Variants in LAMC3 observed in about 807,000 individuals in gnomAD.
LAMC3 encodes the protein laminin subunit gamma 3.
A neutral mutation model predicts 173.8 loss-of-function variants in LAMC3; 128 were observed. The observed-to-expected ratio is 0.74, with a 90% CI of 0.64 to 0.85. The LOEUF is 0.85. LAMC3 is among the 40% of genes least tolerant of loss of function. The probability of loss-of-function intolerance (pLI) is 0.00; values close to 1 mark genes in which losing one functional copy is unlikely to be tolerated. For synonymous variants in LAMC3, 897 were observed against 909.1 expected (o/e 0.99, Z 0.24); for missense variants, 2,022 against 2,156.0 (o/e 0.94, Z 1.23).
Position 131,029,977 on chromosome 9 carries a change from G to A in LAMC3, c.679-2068G>A, listed in dbSNP as rs1305667944. Reference sequence around the variant, plus strand: ...TTTTTTTTTGAGACAGTTTCGCTCTGTCGCCCAGGCTGGAGTGCAGTGGCA... The same window carrying A: ...TTTTTTTTTGAGACAGTTTCGCTCTATCGCCCAGGCTGGAGTGCAGTGGCA... On this transcript the variant is annotated intron_variant, in intron 2 of 27. Coordinates refer to ENST00000361069, the MANE Select transcript of LAMC3 (RefSeq NM_006059.4). The surrounding 1 kb of genome is among the most constrained non-coding windows in gnomAD (Gnocchi z 4.6). Among the ~76,000 whole-genome samples, 1 of 145,166 alleles carries A rather than the reference G, an allele frequency of 6.9e-6. No individual in the cohort carries two copies. Among genetic ancestry groups the A allele is most frequent in the Non-Finnish European group, 1.5e-5 (1 of 67,156 alleles).
At chr9:131,054,761 A>G (rs921041141) in intron 11 of LAMC3, among the ~76,000 whole-genome samples, 4 of 148,622 alleles carry the variant, frequency 2.7e-5, no homozygotes, top group African/African-American at 9.9e-5. Context: ...AGAAAGAAAA[A>G]GAAAGAGAGA....
chr9:131,033,730 G>GGGCT (rs1466537529), intron 3 of LAMC3, among the ~76,000 whole-genome samples: 2 of 152,172 alleles, frequency 1.3e-5, no homozygotes, highest in African/African-American at 4.8e-5. Flanking sequence ...TTGGACCAGA[G>GGGCT]GGCTGGGGTG....
chr9:131,056,037 A>G (rs972669116), intron 11 of LAMC3, among the ~76,000 whole-genome samples: 2 of 67,564 alleles, frequency 3.0e-5, no homozygotes, highest in Admixed American at 2.5e-4. Context: ...TCTACAAAAA[A>G]TTTAAAAAAT....
chr9:131,051,936 G>A (rs543081101), intron 9 of LAMC3, among the ~76,000 whole-genome samples: 2 of 152,212 alleles, frequency 1.3e-5, no homozygotes, highest in Non-Finnish European at 2.9e-5. Flanking sequence ...ACCGCACAGC[G>A]CTTGGTGGTT....
chr9:131,019,468 G>A (rs550003404), intron 1 of LAMC3, among the ~76,000 whole-genome samples: 2 of 152,302 alleles, frequency 1.3e-5, no homozygotes, highest in South Asian at 4.1e-4. Flanking sequence ...AGAGAGTGGA[G>A]ACAGCAGGCA....
chr9:131,036,575 C>T (rs763907598), intron 4 of LAMC3, among the ~76,000 whole-genome samples: 59 of 152,224 alleles, frequency 3.9e-4, no homozygotes, highest in Non-Finnish European at 6.8e-4. Context: ...CATGCAGAGG[C>T]GCCTGTGGTG....
chr9:131,066,744 G>A (rs192798008), intron 13 of LAMC3, among the ~76,000 whole-genome samples: 53 of 152,220 alleles, frequency 3.5e-4, no homozygotes, highest in African/African-American at 1.1e-3. Context: ...TGTTGTCCCC[G>A]CTTTAGAGAT....
chr9:131,032,710 C>A (rs1833865493), intron 3 of LAMC3, among the ~76,000 whole-genome samples: 1 of 152,078 alleles, frequency 6.6e-6, no homozygotes, highest in Non-Finnish European at 1.5e-5. Flanking sequence ...CTCTTGTTGC[C>A]CAGGCTGGAG....
intron 3 of LAMC3, among the ~76,000 whole-genome samples, chr9:131,032,608 C>T (rs1588143125): frequency 1.4e-4 from 20 of 138,686 alleles, no homozygotes; most frequent in Non-Finnish European, 3.0e-5. Context: ...CGCTTTCTCT[C>T]TCTCTCTCTC....
intron 24 of LAMC3, among the ~76,000 whole-genome samples, chr9:131,084,824 G>A (rs1233077834): frequency 5.3e-5 from 8 of 151,662 alleles, no homozygotes; most frequent in Non-Finnish European, 7.4e-5. Flanking sequence ...GCTTAAACCC[G>A]TGAGGCAGAG....
chr9:131,071,871 G>T (rs1046373447), intron 18 of LAMC3, among the ~76,000 whole-genome samples: 3 of 152,230 alleles, frequency 2.0e-5, no homozygotes, highest in Admixed American at 6.5e-5. Flanking sequence ...CTCCACAGGG[G>T]TGTCATGAGG....
intron 25 of LAMC3, among the ~76,000 whole-genome samples, chr9:131,087,135 T>C (rs1354161354): frequency 6.6e-6 from 1 of 152,220 alleles, no homozygotes; most frequent in Admixed American, 6.5e-5. Context: ...AAACTGTCTT[T>C]ATGGTGCCTA....
In LAMC3 at chr9:131,049,025, G is replaced by T. The variant is rs1162613016; in HGVS notation, c.1525G>T (p.Glu509Ter). The change falls in exon 9 of 28, where the codon GAA becomes TAA. Residue 509 changes from glutamate (E) to a stop codon, truncating the protein, a stop_gained. Transcript: ENST00000361069. LOFTEE classifies it high-confidence loss of function. Reference protein sequence around the residue: ...HILSDFHQGAEGWWARSVGGS... With the variant: ...HILSDFHQGA ...TGTCTGTGTTTGCTGTCTAGGAGCC[G>T]AAGGCTGGTGGGCCAGAAGTGTGGG... 2.6e-6 allele frequency: 4 copies of T among 1,548,240 alleles called. No homozygotes were observed. The highest frequency in any genetic ancestry group is 4.9e-5 in the East Asian group (2 of 40,902).
At chr9:131,056,860 G>C (rs1834416783) in intron 11 of LAMC3, 69 bp from the exon 12 acceptor site, 1 of 1,247,212 alleles carries the variant, frequency 8.0e-7, no homozygotes, top group Admixed American at 1.7e-5. Context: ...TGAACAGGAA[G>C]GTTTTGGGGG....
At chr9:131,075,021 T>G (rs1830099204) in intron 20 of LAMC3, among the ~76,000 whole-genome samples, 1 of 152,152 alleles carries the variant, frequency 6.6e-6, no homozygotes, top group Non-Finnish European at 1.5e-5. Context: ...CCCAGCACTT[T>G]GGGAGGCTGA....
Position 131,056,041 on chromosome 9 carries a change from A to T in LAMC3, c.1940-888A>T, listed in dbSNP as rs143316241. 5.8e-4 allele frequency among the ~76,000 whole-genome samples: 7 copies of T among 11,980 alleles called. No individual in the cohort carries two copies. The African/African-American group carries it at 6.2e-3, about 11-fold the overall frequency. 7.9% of individuals were successfully genotyped at this position (11,980 alleles called of 152,430 possible). On this transcript the variant is annotated intron_variant, in intron 11 of 27. Transcript: ENST00000361069. ...GAAACCGTTTTTCTACAAAAAATTT[A>T]AAAAATTAGCTGGGTGTGGTGCCAC...
intron 17 of LAMC3, 96 bp downstream of exon 17, chr9:131,069,946 C>A: frequency 7.8e-7 from 1 of 1,288,784 alleles, no homozygotes; most frequent in Non-Finnish European, 1.1e-6. Flanking sequence ...TGCTTACCCC[C>A]AGTGCTCAGG....
chr9:131,022,583 C>T (rs1462044900), intron 1 of LAMC3, among the ~76,000 whole-genome samples: 1 of 150,496 alleles, frequency 6.6e-6, no homozygotes, highest in Non-Finnish European at 1.5e-5. Flanking sequence ...TATTTTGAGA[C>T]AGGGTCTCAC....
chr9:131,042,514 T>C (rs1834074132), intron 7 of LAMC3, among the ~76,000 whole-genome samples: 1 of 151,366 alleles, frequency 6.6e-6, no homozygotes, highest in East Asian at 2.0e-4. Context: ...CATGGAGCAT[T>C]GTCAATGCAC....
Sources: allele counts gnomAD v4.1 joint callset (sites outside exome capture counted in the v4.1 genomes callset), GRCh38; gene constraint gnomAD v4.1.1; non-coding constraint Gnocchi (gnomAD v3.1); transcripts MANE v1.5; gene names NCBI Gene and HGNC (gene_info 2026-07-23, HGNC 2026-07-21).